Variants in SQOR observed in about 807,000 individuals in gnomAD.
The protein encoded by SQOR is sulfide quinone oxidoreductase.
SQOR carries 39 observed loss-of-function variants against 48.6 expected under a neutral mutation model. The observed-to-expected ratio is 0.80, with a 90% CI of 0.62 to 1.05. The LOEUF (loss-of-function observed/expected upper bound fraction) is 1.05, where lower values mean the gene tolerates loss of function less well. SQOR is among the 50% of genes least tolerant of loss of function. The pLI is 0.00. For missense variants in SQOR, 561 were observed against 559.9 expected (o/e 1.00, Z -0.02); for synonymous variants, 220 against 206.2 (o/e 1.07, Z -0.57).
At chr15:45,652,824 A>C (rs1307971317) in intron 1 of SQOR, among the ~76,000 whole-genome samples, 2 of 151,434 alleles carry the variant, frequency 1.3e-5, no homozygotes, top group African/African-American at 4.9e-5. Context: ...ATACAAACTT[A>C]GGTAGGTGTG....
In SQOR at chr15:45,682,623, G is replaced by C; in HGVS notation, c.1010G>C (p.Cys337Ser). The C allele has an allele frequency of 6.2e-7, 1 of 1,614,152 alleles. No individual in the cohort carries two copies. The highest frequency in any genetic ancestry group is 8.5e-7 in the Non-Finnish European group (1 of 1,179,998). The change falls in exon 7 of 10, where the codon TGC (cysteine) becomes TCC (serine). Residue 337 changes from cysteine (C) to serine (S), a missense_variant. Physicochemically the swap from Cys to Ser is moderately radical, Grantham distance 112 (BLOSUM62 -1). Transcript: ENST00000260324. ...CCAAATGTGTTTGGGATTGGGGACT[G>C]CACCAACCTTCCTACGTCAAAGACC... ...RYPNVFGIGD[C>S]TNLPTSKTAA... is the part of the protein sequence containing the mutation.
At chr15:45,652,470 G>T (rs1889510826) in intron 1 of SQOR, among the ~76,000 whole-genome samples, 1 of 152,000 alleles carries the variant, frequency 6.6e-6, no homozygotes. Context: ...CAGTAGCTGG[G>T]ATTACATGCA....
At chr15:45,659,955 T>A (rs896855262) in intron 2 of SQOR, among the ~76,000 whole-genome samples, 2 of 151,978 alleles carry the variant, frequency 1.3e-5, no homozygotes, top group African/African-American at 4.8e-5. Flanking sequence ...GGATGATGAG[T>A]TGGGGAGCAG....
At chr15:45,690,469 C>T (rs117136417) in intron 9 of SQOR, among the ~76,000 whole-genome samples, 1 of 152,184 alleles carries the variant, frequency 6.6e-6, no homozygotes, top group South Asian at 2.1e-4. Context: ...CAAGAGTGAT[C>T]TTCCTACCCC....
At chr15:45,657,890 G>T (rs1889642037) in intron 1 of SQOR, among the ~76,000 whole-genome samples, 1 of 152,198 alleles carries the variant, frequency 6.6e-6, no homozygotes, top group Non-Finnish European at 1.5e-5. Context: ...GGACTTGACG[G>T]TAGGATTTGG....
chr15:45,674,159 G>A, intron 5 of SQOR: 1 of 230,570 alleles, frequency 4.3e-6, no homozygotes, highest in Non-Finnish European at 8.7e-6. Context: ...ACTGGATGCT[G>A]GGTGTGGTGG....
At chr15:45,673,963 G>T in intron 5 of SQOR, 162 bp downstream of exon 5, 1 of 697,834 alleles carries the variant, frequency 1.4e-6, no homozygotes, top group South Asian at 2.0e-5. Flanking sequence ...ATATAAAAGA[G>T]GAGAAAATCA....
chr15:45,673,527 G>A lies in SQOR; in HGVS notation c.460-80G>A, dbSNP rs1030344532. 1.6e-4 allele frequency: 228 copies of A among 1,439,356 alleles called. 1 individual carries two copies. The highest frequency in any genetic ancestry group is 6.0e-4 in the Admixed American group (31 of 51,928). The allele number at this position is 1,439,356 out of a possible 1,614,324, so 89.2% of individuals were successfully genotyped here. A position where few individuals can be genotyped will look rare whatever the true frequency, so the allele number is the denominator to read the frequency against. On this transcript the variant is annotated intron_variant, in intron 4 of 9. Transcript: ENST00000260324. ...ATGATAGTACTGAAATATTTGAAAG[G>A]TTGTAGAAATGGCAAAGAACAAGGA...
chr15:45,690,881 T>A lies in SQOR; in HGVS notation c.1296-92T>A. 6.4e-6 allele frequency: 7 copies of A among 1,087,090 alleles called. No individual in the cohort carries two copies. The South Asian group carries it at 8.7e-5, about 14-fold the overall frequency. 67.3% of individuals were successfully genotyped at this position (1,087,090 alleles called of 1,614,324 possible). A position where few individuals can be genotyped will look rare whatever the true frequency, so the allele number is the denominator to read the frequency against. Reference sequence around the variant, plus strand: ...TTTACGTGCTGATGAACATGCTCTGTGAGCAGCCTGGCTTCCCTTTCAGCA... The same window carrying A: ...TTTACGTGCTGATGAACATGCTCTGAGAGCAGCCTGGCTTCCCTTTCAGCA... On this transcript the variant is annotated intron_variant, in intron 9 of 9. Coordinates refer to ENST00000260324, the MANE Select transcript of SQOR (RefSeq NM_021199.4).
At chr15:45,642,798 T>C (rs529503615) in intron 1 of SQOR, among the ~76,000 whole-genome samples, 45 of 152,328 alleles carry the variant, frequency 3.0e-4, no homozygotes, top group African/African-American at 1.0e-3. Flanking sequence ...CTTTTTTTTT[T>C]CTTCCAGAAG....
chr15:45,634,225 T>TATATATATATATA (rs1566912034), upstream of SQOR, among the ~76,000 whole-genome samples: 52 of 125,804 alleles, frequency 4.1e-4, no homozygotes, highest in East Asian at 7.4e-4. Context: ...TATATATATA[T>TATATATATATATA]TCAAAATTCA....
chr15:45,677,524 G>A (rs897459765), intron 6 of SQOR, among the ~76,000 whole-genome samples: 1 of 152,102 alleles, frequency 6.6e-6, no homozygotes, highest in Non-Finnish European at 1.5e-5. Flanking sequence ...CAATTGTGAG[G>A]TCTATTTAGC....
intron 1 of SQOR, among the ~76,000 whole-genome samples, chr15:45,656,648 A>C (rs940831852): frequency 6.6e-6 from 1 of 152,144 alleles, no homozygotes; most frequent in Non-Finnish European, 1.5e-5. Flanking sequence ...AGCAGAAGAA[A>C]TCAAAATCAC....
intron 1 of SQOR, among the ~76,000 whole-genome samples, chr15:45,656,550 C>G (rs1174096760): frequency 6.6e-6 from 1 of 152,040 alleles, no homozygotes; most frequent in Non-Finnish European, 1.5e-5. Context: ...TCTCAGCCTC[C>G]TAAAGTGCTG....
At chr15:45,649,388 C>T (rs958393931) in intron 1 of SQOR, among the ~76,000 whole-genome samples, 2 of 152,222 alleles carry the variant, frequency 1.3e-5, no homozygotes, top group Non-Finnish European at 2.9e-5. Context: ...TTTAATCTAA[C>T]TTAAAAGCAT....
At chr15:45,673,562 C>T in intron 4 of SQOR, 45 bp from the exon 5 acceptor site, 4 of 1,584,300 alleles carry the variant, frequency 2.5e-6, no homozygotes, top group African/African-American at 2.7e-5. Context: ...ACTCTAAAGA[C>T]ATTTGCACTT....
intron 7 of SQOR, among the ~76,000 whole-genome samples, chr15:45,683,280 G>C (rs971788349): frequency 6.6e-6 from 1 of 152,144 alleles, no homozygotes; most frequent in Non-Finnish European, 1.5e-5. Flanking sequence ...CACCAGGCAG[G>C]TTGGCTATTT....
rs1192545610 is a variant in SQOR at position 45,662,035 on chromosome 15, T to C, written c.315T>C (p.Ser105=). The C allele has an allele frequency of 1.9e-6, 3 of 1,614,230 alleles. No homozygotes were observed. The highest frequency in any genetic ancestry group is 1.7e-5 in the Admixed American group (1 of 60,028). The change falls in exon 3 of 10, where the codon AGT becomes AGC. Residue 105 remains serine, a synonymous_variant. Coordinates refer to ENST00000260324, the MANE Select transcript of SQOR (RefSeq NM_021199.4). ...QLSSSGRPTA[S]VIPSGVEWIK... is the part of the protein sequence containing the mutation. ...CCTCATCTGGTCGTCCCACGGCAAG[T>C]GTGATTCCATCTGGTGTAGAATGGA...
intron 1 of SQOR, among the ~76,000 whole-genome samples, chr15:45,650,847 C>A (rs1210719303): frequency 6.6e-6 from 1 of 152,202 alleles, no homozygotes; most frequent in Non-Finnish European, 1.5e-5. Context: ...AAGTCCCCAC[C>A]AGATTAGCTA....
Sources: allele counts gnomAD v4.1 joint callset (sites outside exome capture counted in the v4.1 genomes callset), GRCh38; gene constraint gnomAD v4.1.1; transcripts MANE v1.5; gene names NCBI Gene and HGNC (gene_info 2026-07-23, HGNC 2026-07-21).